JAM3: variants seen among roughly 807,000 people sequenced by gnomAD.
JAM3 encodes junctional adhesion molecule C.
Under a neutral mutation model 39.4 loss-of-function variants are expected in JAM3, and 31 were observed. The observed-to-expected ratio is 0.79, with a 90% CI of 0.59 to 1.06. The LOEUF (loss-of-function observed/expected upper bound fraction) is 1.06, where lower values mean the gene tolerates loss of function less well. Ranked by LOEUF, JAM3 falls within the 50% of genes least tolerant of loss-of-function variation. JAM3 has a pLI of 0.00. For synonymous variants in JAM3, 182 were observed against 148.7 expected, an observed-to-expected ratio of 1.22 and a Z score of -1.63; for missense variants, 455 against 391.4, an observed-to-expected ratio of 1.16 and a Z score of -1.37.
At chr11:134,141,782 G>A (rs1431572347) in intron 3 of JAM3, among the ~76,000 whole-genome samples, 1 of 152,134 alleles carries the variant, frequency 6.6e-6, no homozygotes, top group Non-Finnish European at 1.5e-5. Flanking sequence ...AGGCAGGCAG[G>A]TGGCTGGAGA....
intron 2 of JAM3, among the ~76,000 whole-genome samples, chr11:134,140,288 A>G (rs1942950551): frequency 6.6e-6 from 1 of 152,064 alleles, no homozygotes; most frequent in Non-Finnish European, 1.5e-5. Context: ...CACCCAGCTG[A>G]TTTTTGTACG....
At chr11:134,137,604 T>C (rs867817580) in intron 1 of JAM3, among the ~76,000 whole-genome samples, 2 of 152,156 alleles carry the variant, frequency 1.3e-5, no homozygotes, top group Non-Finnish European at 2.9e-5. Context: ...GTCGAAGTCA[T>C]GGTGCTCATA....
intron 1 of JAM3, among the ~76,000 whole-genome samples, chr11:134,073,308 A>T (rs934216621): frequency 1.1e-4 from 16 of 152,228 alleles, no homozygotes; most frequent in Non-Finnish European, 2.9e-5. Context: ...ATGAGTAGTT[A>T]ATACATACAG....
rs150376633 is a variant in JAM3, at chr11:134,071,833, T to TA, written c.76+2682dup. On this transcript the variant is annotated intron_variant, in intron 1 of 8. Transcript: ENST00000299106. The stretch of plus-strand genomic sequence containing the variant: ...CATTGTCAGACTTGTGTGTATGTTT[T>TA]AAAAAAAACAAAGAACACCTGTCTT... 6.9e-4 allele frequency among the ~76,000 whole-genome samples: 99 copies of TA among 144,330 alleles called. 2 individuals carry two copies. The highest frequency in any genetic ancestry group is 1.8e-3 in the African/African-American group (76 of 41,100). 94.7% of individuals were successfully genotyped at this position (144,330 alleles called of 152,430 possible).
intron 1 of JAM3, among the ~76,000 whole-genome samples, chr11:134,130,561 A>G (rs1159144053): frequency 6.6e-6 from 1 of 152,236 alleles, no homozygotes; most frequent in South Asian, 2.1e-4. Context: ...TAGCTATTTG[A>G]ACCGACGTTG....
At chr11:134,130,663 G>A (rs967161039) in intron 1 of JAM3, among the ~76,000 whole-genome samples, 3 of 152,186 alleles carry the variant, frequency 2.0e-5, no homozygotes, top group African/African-American at 7.2e-5. Flanking sequence ...GGAAAGATTT[G>A]TGGTATTTTT....
intron 5 of JAM3, 44 bp from the exon 6 acceptor site, chr11:134,145,902 C>T: frequency 7.5e-7 from 1 of 1,325,726 alleles, no homozygotes; most frequent in Non-Finnish European, 1.1e-6. Flanking sequence ...CAGAAATCGG[C>T]CCCATGATGG....
chr11:134,118,894 A>G (rs1329071461), intron 1 of JAM3, among the ~76,000 whole-genome samples: 6 of 151,116 alleles, frequency 4.0e-5, no homozygotes, highest in Non-Finnish European at 8.8e-5. Context: ...GAACACTTCT[A>G]TTTAAGGTGG....
chr11:134,130,044 A>G (rs543632901), intron 1 of JAM3, among the ~76,000 whole-genome samples: 1 of 152,284 alleles, frequency 6.6e-6, no homozygotes, highest in African/African-American at 2.4e-5. Context: ...GGCCCCAGAT[A>G]GTTCATAGCT....
At chr11:134,116,032 G>A (rs1253451778) in intron 1 of JAM3, among the ~76,000 whole-genome samples, 2 of 152,180 alleles carry the variant, frequency 1.3e-5, no homozygotes, top group Non-Finnish European at 2.9e-5. Flanking sequence ...GGTTTAGGTG[G>A]TGTCTACAAG....
At chr11:134,139,471 G>C (rs1195934048) in intron 1 of JAM3, among the ~76,000 whole-genome samples, 1 of 152,200 alleles carries the variant, frequency 6.6e-6, no homozygotes, top group Non-Finnish European at 1.5e-5. Context: ...GCCTGTGCAG[G>C]ATTGGAAGCC....
At chr11:134,083,263 C>T (rs1010140842) in intron 1 of JAM3, among the ~76,000 whole-genome samples, 5 of 152,294 alleles carry the variant, frequency 3.3e-5, no homozygotes, top group South Asian at 2.1e-4. Flanking sequence ...CATCTACCTC[C>T]GGTGTCCATT....
chr11:134,122,293 A>G (rs947213608), intron 1 of JAM3, among the ~76,000 whole-genome samples: 3 of 152,362 alleles, frequency 2.0e-5, no homozygotes, highest in Non-Finnish European at 4.4e-5. Flanking sequence ...CCAGCAAGAT[A>G]AGATGACTTT....
At chr11:134,092,602 C>T (rs61909682) in intron 1 of JAM3, among the ~76,000 whole-genome samples, 1 of 146,046 alleles carries the variant, frequency 6.8e-6, no homozygotes, top group Non-Finnish European at 1.5e-5. Flanking sequence ...TTCTCCTGAA[C>T]CCTCCTTATT....
intron 4 of JAM3, 38 bp from the exon 5 acceptor site, chr11:134,144,754 T>C (rs1460917109): frequency 1.9e-6 from 3 of 1,541,910 alleles, no homozygotes; most frequent in African/African-American, 3.0e-5. Flanking sequence ...TAGAGCCCTG[T>C]CACTGAGATC....
chr11:134,101,021 G>A (rs1942064019), intron 1 of JAM3, among the ~76,000 whole-genome samples: 1 of 152,098 alleles, frequency 6.6e-6, no homozygotes, highest in African/African-American at 2.4e-5. Context: ...GGTCAGCCAG[G>A]ATACATGTTG....
In JAM3 at chr11:134,130,564, C is replaced by T. The variant is rs376232581; in HGVS notation, c.77-9287C>T. ...AAAATCACCCAGTAGCTATTTGAAC[C>T]GACGTTGTAGAAGCTCTGAAATCAG... On this transcript the variant is annotated intron_variant, in intron 1 of 8. Transcript: ENST00000299106. 1.3e-4 allele frequency among the ~76,000 whole-genome samples: 20 copies of T among 152,258 alleles called. 1 individual carries two copies. The East Asian group carries it at 1.4e-3, about 10-fold the overall frequency.
rs71038561 is a variant in JAM3, at chr11:134,111,133, C to CTTTTT, written c.77-28694_77-28690dup. The stretch of plus-strand genomic sequence containing the variant: ...TGTACCATACCCAACACACATCCAT[C>CTTTTT]TTTTTTTTTTTTTTTTTTTTTTTTT... On this transcript the variant is annotated intron_variant, in intron 1 of 8. Coordinates refer to ENST00000299106, the MANE Select transcript of JAM3 (RefSeq NM_032801.5). Among the ~76,000 whole-genome samples, 406 of 86,764 alleles carry CTTTTT rather than the reference C, an allele frequency of 4.7e-3. 64 individuals are homozygous for CTTTTT. The highest frequency in any genetic ancestry group is 0.021 in the African/African-American group (374 of 18,132). 56.9% of individuals were successfully genotyped at this position (86,764 alleles called of 152,430 possible). A position where few individuals can be genotyped will look rare whatever the true frequency, so the allele number is the denominator to read the frequency against.
At chr11:134,133,767 T>TC (rs1194710509) in intron 1 of JAM3, among the ~76,000 whole-genome samples, 3 of 151,922 alleles carry the variant, frequency 2.0e-5, no homozygotes, top group Admixed American at 6.6e-5. Context: ...ATAGAATCCT[T>TC]CCCCCCTACA....
Sources: allele counts gnomAD v4.1 joint callset (sites outside exome capture counted in the v4.1 genomes callset), GRCh38; gene constraint gnomAD v4.1.1; transcripts MANE v1.5; gene names NCBI Gene and HGNC (gene_info 2026-07-23, HGNC 2026-07-21).